The following ADAMTSL2 variants were observed in gnomAD, a reference collection of about 807,000 sequenced individuals.
The protein encoded by ADAMTSL2 is ADAMTS like 2.
Under a neutral mutation model 117.0 loss-of-function variants are expected in ADAMTSL2, and 55 were observed. That is an observed-to-expected ratio of 0.47 (90% CI 0.38 to 0.59). The LOEUF (loss-of-function observed/expected upper bound fraction) is 0.59. Ranked by LOEUF, ADAMTSL2 falls within the 20% of genes least tolerant of loss-of-function variation. The pLI is 0.00. For synonymous variants in ADAMTSL2, 572 were observed against 566.4 expected (o/e 1.01, Z -0.14); for missense variants, 1,182 against 1,354.5 (o/e 0.87, Z 2.00).
chr9:133,564,279 GGAGA>G (rs1337065147), intron 12 of ADAMTSL2, among the ~76,000 whole-genome samples: 1 of 10,390 alleles, frequency 9.6e-5, no homozygotes, highest in Admixed American at 9.6e-4. Flanking sequence ...AGAGAAAGAG[GGAGA>G]GAGAGAGGGA....
rs774370224 is a variant in ADAMTSL2, at chr9:133,534,835, C to A, written c.-233C>A. The A allele has an allele frequency of 7.1e-5, 107 of 1,498,906 alleles. No individual in the cohort carries two copies. Among genetic ancestry groups the A allele is most frequent in the Non-Finnish European group, 9.1e-5 (102 of 1,120,250 alleles). 92.9% of individuals were successfully genotyped at this position (1,498,906 alleles called of 1,614,324 possible). On this transcript the variant is annotated 5_prime_UTR_variant, in exon 1 of 19. Coordinates refer to ENST00000651351, the MANE Select transcript of ADAMTSL2 (RefSeq NM_014694.4). ...AGCCTCTGCACTCACGCCGCCCCCG[C>A]ACGCACAGCGCACCTGGCGCCGTCT... is the stretch of plus-strand genomic sequence containing the variant.
chr9:133,548,012 C>T (rs1368455009), intron 9 of ADAMTSL2, among the ~76,000 whole-genome samples: 1 of 152,262 alleles, frequency 6.6e-6, no homozygotes, highest in Non-Finnish European at 1.5e-5. Flanking sequence ...TCAAGAAGGG[C>T]AGTTGTGGTG....
intron 17 of ADAMTSL2, among the ~76,000 whole-genome samples, chr9:133,573,184 G>A (rs999196601): frequency 3.3e-5 from 5 of 152,244 alleles, no homozygotes; most frequent in Non-Finnish European, 7.3e-5. Context: ...ATGATGTGGG[G>A]TCACCCACAT....
rs1164263706 is a variant in ADAMTSL2 at position 133,557,547 on chromosome 9, G to C, written c.1649+1617G>C. Among the ~76,000 whole-genome samples, 1 of 152,168 alleles carries C rather than the reference G, an allele frequency of 6.6e-6. No individual in the cohort carries two copies. Among genetic ancestry groups the C allele is most frequent in the East Asian group, 1.9e-4 (1 of 5,186 alleles). Reference sequence around the variant, plus strand: ...GTATAGTGTCTGAGTCTGAGAGGGGGTCCTGGGTAAAGGGCAGGAGGGACG... The same window carrying C: ...GTATAGTGTCTGAGTCTGAGAGGGGCTCCTGGGTAAAGGGCAGGAGGGACG... On this transcript the variant is annotated intron_variant, in intron 11 of 18. Transcript: ENST00000651351. The surrounding 1 kb of genome is among the most constrained non-coding windows in gnomAD (Gnocchi z 5.2).
rs112798262 is a variant in ADAMTSL2 at position 133,564,675 on chromosome 9, GGA to G, written c.1748-2251_1748-2250del. Among the ~76,000 whole-genome samples the G allele has an allele frequency of 1.1e-3, 90 of 79,028 alleles. 2 individuals carry two copies. In the South Asian group the frequency reaches 0.04, roughly 35 times the overall value. The allele number at this position is 79,028 out of a possible 152,430, so 51.8% of individuals were successfully genotyped here. A position where few individuals can be genotyped will look rare whatever the true frequency, so the allele number is the denominator to read the frequency against. On this transcript the variant is annotated intron_variant, in intron 12 of 18. Coordinates refer to ENST00000651351, the MANE Select transcript of ADAMTSL2 (RefSeq NM_014694.4). ...GAGAGAGGGAGAGAGAGAGGGAGAG[GGA>G]GAGAGAGAGGGAGAGGGAGAGAGAG...
At chr9:133,555,354 C>T (rs1830581423) in intron 10 of ADAMTSL2, among the ~76,000 whole-genome samples, 2 of 152,150 alleles carry the variant, frequency 1.3e-5, no homozygotes, top group African/African-American at 4.8e-5. Context: ...GATTGAATTC[C>T]CATCAGCAAG....
intron 17 of ADAMTSL2, among the ~76,000 whole-genome samples, chr9:133,571,409 G>A (rs1831103929): frequency 1.3e-5 from 2 of 152,276 alleles, no homozygotes; most frequent in South Asian, 4.1e-4. Flanking sequence ...AGGGAGCCCC[G>A]AGGTGGGTGG....
rs968088892 is a variant in ADAMTSL2 at position 133,538,330 on chromosome 9, G to A, written c.234-19G>A. ...AACTCCTCTGCAGCCCTCACTCCGA[G>A]CCTGCATCTTTCTGCCAGGAGGAAG... On this transcript the variant is annotated intron_variant, in intron 3 of 18. Transcript: ENST00000651351. 3 of 1,613,236 alleles carry A rather than the reference G, an allele frequency of 1.9e-6. No individual in the cohort carries two copies. The highest frequency in any genetic ancestry group is 2.7e-5 in the African/African-American group (2 of 74,934).
chr9:133,562,102 C>T (rs915798073), intron 12 of ADAMTSL2, among the ~76,000 whole-genome samples: 1 of 152,242 alleles, frequency 6.6e-6, no homozygotes, highest in Non-Finnish European at 1.5e-5. Context: ...GTTTGATGCT[C>T]CTGGTCCCGC....
chr9:133,570,968 G>A (rs1831092143), intron 17 of ADAMTSL2, among the ~76,000 whole-genome samples: 1 of 152,200 alleles, frequency 6.6e-6, no homozygotes, highest in Non-Finnish European at 1.5e-5. Flanking sequence ...TCAGGACACC[G>A]GCGGGGCCAG....
intron 12 of ADAMTSL2, among the ~76,000 whole-genome samples, chr9:133,566,113 G>A (rs1224197794): frequency 6.6e-6 from 1 of 152,168 alleles, no homozygotes; most frequent in Non-Finnish European, 1.5e-5. Flanking sequence ...TACAGAGTAC[G>A]GGGCACCAAC....
chr9:133,572,932 GC>G (rs1467417523), intron 17 of ADAMTSL2, among the ~76,000 whole-genome samples: 26 of 152,198 alleles, frequency 1.7e-4, no homozygotes, highest in African/African-American at 5.1e-4. Flanking sequence ...GCTCCTCAGG[GC>G]CCTGCCAAAG....
At position 133,538,394 on chromosome 9, in the gene ADAMTSL2, G is replaced by A. The variant is rs62637570; in HGVS notation, c.279G>A (p.Thr93=). ...CCGGGAACAGGACCTGCACGGGCAC[G>A]TCCAAGCGGTACCAGCTCTGCAGAG... ...PGPGNRTCTG[T]SKRYQLCRVQ... Residue 93 remains threonine (T), a synonymous_variant, in exon 4 of 19, where the codon ACG becomes ACA. Transcript: ENST00000651351. The A allele has an allele frequency of 2.9e-4, 462 of 1,613,286 alleles. 2 individuals carry two copies. In the African/African-American group the frequency reaches 5.0e-3, roughly 17 times the overall value.
At chr9:133,544,235 C>T (rs1412582924) in intron 7 of ADAMTSL2, among the ~76,000 whole-genome samples, 1 of 152,116 alleles carries the variant, frequency 6.6e-6, no homozygotes, top group Non-Finnish European at 1.5e-5. Context: ...GGGGCAAGCA[C>T]GGATGAGCCT....
rs996554992 is a variant in ADAMTSL2 at position 133,554,396 on chromosome 9, G to A, written c.979G>A (p.Glu327Lys). 16 of 1,563,110 alleles carry A rather than the reference G, an allele frequency of 1.0e-5. No individual in the cohort carries two copies. The highest frequency in any genetic ancestry group is 5.4e-5 in the African/African-American group (4 of 74,272). ...CGGCAAAAGCCCCTCCATCACCTTC[G>A]AGTACACGCTGCTGCAGCCGCCACA... ...QNGKSPSITF[E>K]YTLLQPPHES... Residue 327 changes from glutamate to lysine, a missense_variant, in exon 10 of 19, where the codon GAG becomes AAG. By Grantham distance (56) the Glu-to-Lys change is moderately conservative. This residue lies in a region of ADAMTSL2 where 372 missense variants were observed against 463.4 expected (regional missense o/e 0.80). Coordinates refer to ENST00000651351, the MANE Select transcript of ADAMTSL2 (RefSeq NM_014694.4). The surrounding 1 kb of genome is among the most constrained non-coding windows in gnomAD (Gnocchi z 5.2).
At position 133,574,947 on chromosome 9, in the gene ADAMTSL2, C is replaced by A; in HGVS notation, c.*83C>A. The A allele has an allele frequency of 1.7e-5, 19 of 1,110,132 alleles. No homozygotes were observed. Among genetic ancestry groups the A allele is most frequent in the Non-Finnish European group, 1.9e-5 (14 of 728,862 alleles). The allele number at this position is 1,110,132 out of a possible 1,614,324, so 68.8% of individuals were successfully genotyped here. A position where few individuals can be genotyped will look rare whatever the true frequency, so the allele number is the denominator to read the frequency against. On this transcript the variant is annotated 3_prime_UTR_variant, in exon 19 of 19. Coordinates refer to ENST00000651351, the MANE Select transcript of ADAMTSL2 (RefSeq NM_014694.4). The stretch of plus-strand genomic sequence containing the variant: ...CAGCTTCTGGGGCCTCCACAGACCC[C>A]CCTCCTGCGGGGCACGCTGGCCTAA...
intron 12 of ADAMTSL2, among the ~76,000 whole-genome samples, chr9:133,562,341 C>T (rs1467667540): frequency 6.6e-6 from 1 of 152,260 alleles, no homozygotes; most frequent in Admixed American, 6.5e-5. Context: ...TTACAAGAGC[C>T]CCCAAACAGG....
In ADAMTSL2 at chr9:133,547,054, T is replaced by C; in HGVS notation, c.780T>C (p.Ala260=). ...SADVLALADE[A]GYYFFNGNYK... ...CCCTTCCAGCTCTTGCAGACGAAGC[T>C]GGCTACTACTTCTTCAACGGCAACT... Residue 260 remains alanine (A), a synonymous_variant, in exon 9 of 19, where the codon GCT becomes GCC. Coordinates refer to ENST00000651351, the MANE Select transcript of ADAMTSL2 (RefSeq NM_014694.4). 3 of 1,613,848 alleles carry C rather than the reference T, an allele frequency of 1.9e-6. No homozygotes were observed. Among genetic ancestry groups the C allele is most frequent in the Non-Finnish European group, 1.7e-6 (2 of 1,179,802 alleles).
At position 133,534,714 on chromosome 9, in the gene ADAMTSL2, G is replaced by GCCCCTC; in HGVS notation, c.-351_-346dup. 1.5e-6 allele frequency: 2 copies of GCCCCTC among 1,375,382 alleles called. No homozygotes were observed. Among genetic ancestry groups the GCCCCTC allele is most frequent in the Non-Finnish European group, 1.9e-6 (2 of 1,058,164 alleles). 85.2% of individuals were successfully genotyped at this position (1,375,382 alleles called of 1,614,324 possible). A position where few individuals can be genotyped will look rare whatever the true frequency, so the allele number is the denominator to read the frequency against. On this transcript the variant is annotated 5_prime_UTR_variant, in exon 1 of 19. Coordinates refer to ENST00000651351, the MANE Select transcript of ADAMTSL2 (RefSeq NM_014694.4). ...CGGCGCAGAGCCGCCACTGGGCTGC[G>GCCCCTC]CCCCTCCCGGGAACCCCCTCTCTTG...
Sources: gnomAD v4.1 joint callset for allele counts (sites outside exome capture counted in the v4.1 genomes callset) on GRCh38, gnomAD v4.1.1 for gene constraint, gnomAD v4.1.1 regional missense constraint, Gnocchi (gnomAD v3.1) non-coding constraint, MANE v1.5 for transcripts, NCBI Gene and HGNC (gene_info 2026-07-23, HGNC 2026-07-21) for gene names.